CD69: variants seen among roughly 807,000 people sequenced by gnomAD.
CD69 encodes the protein CD69 molecule.
In CD69, 10 loss-of-function variants were observed where a neutral mutation model predicts 21.4. The observed-to-expected ratio is 0.47, with a 90% confidence interval of 0.29 to 0.79. CD69 has a LOEUF of 0.79. Ranked by LOEUF, CD69 falls within the 30% of genes least tolerant of loss-of-function variation. The pLI is 0.09. For synonymous variants in CD69, 63 were observed against 78.2 expected (o/e 0.81, Z 1.03); for missense variants, 204 against 236.9 (o/e 0.86, Z 0.91).
At chr12:9,756,723 T>C (rs192602196) in intron 1 of CD69, among the ~76,000 whole-genome samples, 1 of 152,212 alleles carries the variant, frequency 6.6e-6, no homozygotes, top group Admixed American at 6.5e-5. Context: ...AAGTATATAA[T>C]CAGTTTGTTT....
In CD69 at chr12:9,760,877, CT is replaced by C; in HGVS notation, c.-58del. 1 of 1,411,286 alleles carries C rather than the reference CT, an allele frequency of 7.1e-7. No individual in the cohort carries two copies. Among genetic ancestry groups the C allele is most frequent in the Non-Finnish European group, 1.0e-6 (1 of 1,003,300 alleles). The allele number at this position is 1,411,286 out of a possible 1,614,324, so 87.4% of individuals were successfully genotyped here. A position where few individuals can be genotyped will look rare whatever the true frequency, so the allele number is the denominator to read the frequency against. ...GGTCAAGTCAAGCTACAGTGAAAGT[CT>C]TTGCTGGAGCTCTTGTTGAGTCTGT... On this transcript the variant is annotated 5_prime_UTR_variant, in exon 1 of 5. Transcript: ENST00000228434.
In CD69 at chr12:9,753,535, G is replaced by T; in HGVS notation, c.546C>A (p.Ser182Arg). 6.3e-7 allele frequency: 1 copy of T among 1,590,394 alleles called. No individual in the cohort carries two copies. Among genetic ancestry groups the T allele is most frequent in the Non-Finnish European group, 8.6e-7 (1 of 1,160,020 alleles). ...KCVFLKNTEV[S>R]SMECEKNLYW... The stretch of plus-strand genomic sequence containing the variant: ...ATAAATTCTTCTCACATTCCATGCT[G>T]CTGACCTCTGTGTTTTTCAGAAAAA... The change falls in exon 5 of 5, where the codon AGC becomes AGA. Residue 182 changes from serine (S) to arginine (R), a missense_variant. Ser to Arg is a moderately radical substitution (Grantham distance 110, BLOSUM62 -1). Transcript: ENST00000228434.
At chr12:9,757,787 CAG>C (rs1220504630) in intron 1 of CD69, among the ~76,000 whole-genome samples, 2 of 152,208 alleles carry the variant, frequency 1.3e-5, no homozygotes, top group East Asian at 3.8e-4. Context: ...GAATGGGACA[CAG>C]GGCAAACTGT....
At chr12:9,756,860 C>A (rs1460276605) in intron 1 of CD69, among the ~76,000 whole-genome samples, 2 of 152,110 alleles carry the variant, frequency 1.3e-5, no homozygotes, top group Admixed American at 1.3e-4. Flanking sequence ...GGATTGATCA[C>A]CTGAGCTCAG....
chr12:9,756,145 G>A (rs150688365), intron 2 of CD69, 152 bp downstream of exon 2: 4 of 490,332 alleles, frequency 8.2e-6, no homozygotes, highest in South Asian at 4.3e-5. Flanking sequence ...ATTATGTTTA[G>A]TATTGATTAG....
chr12:9,759,746 T>G (rs1219690586), intron 1 of CD69, among the ~76,000 whole-genome samples: 2 of 152,224 alleles, frequency 1.3e-5, no homozygotes, highest in African/African-American at 4.8e-5. Flanking sequence ...CCTTTGTTAA[T>G]AGATCGCTCT....
rs997104764 is a variant in CD69 at position 9,753,294 on chromosome 12, G to A, written c.*187C>T. 7.7e-6 allele frequency: 3 copies of A among 388,096 alleles called. No homozygotes were observed. The highest frequency in any genetic ancestry group is 9.1e-5 in the Admixed American group (2 of 21,916). The allele number at this position is 388,096 out of a possible 1,614,324, so 24.0% of individuals were successfully genotyped here. ...TAGCTCATGGCAATAAAAGCCCACA[G>A]TGCAGATTTTCCTGGAATTTCTTCC... On this transcript the variant is annotated 3_prime_UTR_variant, in exon 5 of 5. Transcript: ENST00000228434.
intron 2 of CD69, among the ~76,000 whole-genome samples, chr12:9,755,546 G>T (rs1866672845): frequency 6.6e-6 from 1 of 152,154 alleles, no homozygotes; most frequent in African/African-American, 2.4e-5. Context: ...TGAAAATTTG[G>T]ACTAGATATT....
At chr12:9,760,640 T>C (rs1288930021) in intron 1 of CD69, 117 bp downstream of exon 1, 1 of 730,244 alleles carries the variant, frequency 1.4e-6, no homozygotes, top group Non-Finnish European at 2.3e-6. Context: ...ATTAGCAGTA[T>C]ATTTCTCTAA....
At chr12:9,758,316 A>G (rs1866699029) in intron 1 of CD69, among the ~76,000 whole-genome samples, 1 of 152,210 alleles carries the variant, frequency 6.6e-6, no homozygotes, top group African/African-American at 2.4e-5. Flanking sequence ...AAAAACCAAA[A>G]TGTAAAATGG....
Position 9,753,211 on chromosome 12 carries a change from G to C in CD69, c.*270C>G, listed in dbSNP as rs1866643946. 1 of 236,650 alleles carries C rather than the reference G, an allele frequency of 4.2e-6. No homozygotes were observed. The highest frequency in any genetic ancestry group is 5.6e-5 in the Admixed American group (1 of 17,806). The allele number at this position is 236,650 out of a possible 1,614,324, so 14.7% of individuals were successfully genotyped here. ...AAAATAATATAAAGTGCATCCAAAG[G>C]TTGCATAGTCATTCTTCTCATTCTT... is the stretch of plus-strand genomic sequence containing the variant. On this transcript the variant is annotated 3_prime_UTR_variant, in exon 5 of 5. Coordinates refer to ENST00000228434, the MANE Select transcript of CD69 (RefSeq NM_001781.2).
chr12:9,756,254 A>G (rs749738001), intron 2 of CD69, 43 bp downstream of exon 2: 3 of 1,562,424 alleles, frequency 1.9e-6, no homozygotes, highest in Non-Finnish European at 1.7e-6. Context: ...ATGAATGCTT[A>G]CAGCTAGGAG....
At chr12:9,756,270 G>A (rs200676279) in intron 2 of CD69, 27 bp downstream of exon 2, 11 of 1,594,742 alleles carry the variant, frequency 6.9e-6, no homozygotes, top group Non-Finnish European at 9.4e-6. Context: ...AGGAGGCTTT[G>A]AAAGAATTGA....
intron 1 of CD69, 122 bp downstream of exon 1, chr12:9,760,635 C>A (rs1866725348): frequency 1.4e-6 from 1 of 693,216 alleles, no homozygotes; most frequent in South Asian, 1.9e-5. Flanking sequence ...TAGAGATTAG[C>A]AGTATATTTC....
intron 1 of CD69, among the ~76,000 whole-genome samples, chr12:9,759,004 A>G (rs926715336): frequency 6.6e-6 from 1 of 151,690 alleles, no homozygotes; most frequent in Non-Finnish European, 1.5e-5. Flanking sequence ...ATCTCGGCTC[A>G]CTGCAAGCTC....
At chr12:9,760,096 T>A (rs1416435429) in intron 1 of CD69, among the ~76,000 whole-genome samples, 2 of 152,068 alleles carry the variant, frequency 1.3e-5, no homozygotes, top group Non-Finnish European at 2.9e-5. Flanking sequence ...AGCAGGAGAT[T>A]GCATTTTCGG....
At chr12:9,759,826 A>C (rs1476200151) in intron 1 of CD69, among the ~76,000 whole-genome samples, 1 of 152,222 alleles carries the variant, frequency 6.6e-6, no homozygotes, top group Non-Finnish European at 1.5e-5. Context: ...AGAAAGAGGG[A>C]TAAATAGAAA....
Position 9,753,604 on chromosome 12 carries a change from A to C in CD69, c.492-15T>G. 8.2e-7 allele frequency: 1 copy of C among 1,221,158 alleles called. No individual in the cohort carries two copies. Among genetic ancestry groups the C allele is most frequent in the Non-Finnish European group, 1.2e-6 (1 of 841,826 alleles). 75.6% of individuals were successfully genotyped at this position (1,221,158 alleles called of 1,614,324 possible). A position where few individuals can be genotyped will look rare whatever the true frequency, so the allele number is the denominator to read the frequency against. Reference sequence around the variant, plus strand: ...TAACGTTGAACCTGTCAAACAATAAAAAAACTTAGAATTATTTTCAGCTCA... The same window carrying C: ...TAACGTTGAACCTGTCAAACAATAACAAAACTTAGAATTATTTTCAGCTCA... On this transcript the variant is annotated splice_polypyrimidine_tract_variant and intron_variant, in intron 4 of 4. Transcript: ENST00000228434.
chr12:9,754,977 G>T (rs1362965355), intron 3 of CD69, 85 bp downstream of exon 3: 4 of 1,150,366 alleles, frequency 3.5e-6, no homozygotes, highest in Non-Finnish European at 2.6e-6. Flanking sequence ...TTGTTTGTTT[G>T]TTTTCTCCAC....
Sources: gnomAD v4.1 joint callset for allele counts (sites outside exome capture counted in the v4.1 genomes callset) on GRCh38, gnomAD v4.1.1 for gene constraint, MANE v1.5 for transcripts, NCBI Gene and HGNC (gene_info 2026-07-23, HGNC 2026-07-21) for gene names.